OCA2: variants seen among roughly 807,000 people sequenced by gnomAD.
OCA2 encodes P protein.
A neutral mutation model predicts 100.2 loss-of-function variants in OCA2; 77 were observed. The observed-to-expected ratio is 0.77, with a 90% CI of 0.64 to 0.93. OCA2 has a LOEUF of 0.93. OCA2 is among the 40% of genes least tolerant of loss of function. The pLI is 0.00. For synonymous variants in OCA2, 432 were observed against 439.2 expected (o/e 0.98, Z 0.21); for missense variants, 1,062 against 1,089.1 (o/e 0.98, Z 0.35).
At chr15:27,896,053 G>T in intron 19 of OCA2, 2 of 1,186,612 alleles carry the variant, frequency 1.7e-6, no homozygotes, top group South Asian at 1.2e-5. Flanking sequence ...ATCTATGAAG[G>T]CCAAGTGGAG....
intron 19 of OCA2, among the ~76,000 whole-genome samples, chr15:27,908,129 TAGAA>T (rs568730586): frequency 3.3e-4 from 50 of 151,916 alleles, no homozygotes; most frequent in Non-Finnish European, 4.7e-4. Flanking sequence ...CAATGCCAAA[TAGAA>T]AATGAAATAT....
At chr15:27,828,133 G>T (rs1050411620) in intron 23 of OCA2, among the ~76,000 whole-genome samples, 7 of 152,224 alleles carry the variant, frequency 4.6e-5, no homozygotes, top group Admixed American at 3.9e-4. Flanking sequence ...TGGCGCCAGG[G>T]CCCTGTCTGC....
chr15:27,838,412 C>G (rs548588251), intron 23 of OCA2, among the ~76,000 whole-genome samples: 2 of 152,152 alleles, frequency 1.3e-5, no homozygotes, highest in Admixed American at 6.5e-5. Context: ...TAAAAACAAG[C>G]CAGAAAGAAA....
chr15:27,894,428 G>A (rs2037599179), intron 19 of OCA2, among the ~76,000 whole-genome samples: 1 of 152,154 alleles, frequency 6.6e-6, no homozygotes, highest in Non-Finnish European at 1.5e-5. Flanking sequence ...ATTCTCTCTG[G>A]ACGAGTGGAA....
At chr15:27,751,990 T>A (rs185105843), downstream of OCA2, among the ~76,000 whole-genome samples, 645 of 152,348 alleles carry the variant, frequency 4.2e-3, 10 homozygotes, top group South Asian at 0.034. Flanking sequence ...TGAAGTATGT[T>A]GCATTTACAA....
chr15:27,797,152 G>A (rs1339990706), intron 23 of OCA2, among the ~76,000 whole-genome samples: 4 of 152,334 alleles, frequency 2.6e-5, no homozygotes, highest in African/African-American at 9.6e-5. Context: ...AGCTGCTGGT[G>A]AGCGGAAAGG....
intron 18 of OCA2, among the ~76,000 whole-genome samples, chr15:27,944,682 T>C (rs1217056672): frequency 6.6e-6 from 1 of 152,142 alleles, no homozygotes; most frequent in Non-Finnish European, 1.5e-5. Context: ...CACACCCCTA[T>C]GATTTACACC....
chr15:28,021,234 GC>G (rs1419134004), intron 6 of OCA2, among the ~76,000 whole-genome samples: 1 of 152,198 alleles, frequency 6.6e-6, no homozygotes, highest in Non-Finnish European at 1.5e-5. Flanking sequence ...GGCTTCAGGG[GC>G]CTTCATGCAC....
chr15:27,955,218 A>G lies in OCA2; in HGVS notation c.1785-3T>C. On this transcript the variant is annotated splice_polypyrimidine_tract_variant and splice_region_variant and intron_variant, in intron 16 of 23. Transcript: ENST00000354638. ...TTTTGTCCTCCTGTGAGATCTGTCT[A>G]AAAGAGAAAAGAAGAGACTCATTAC... The G allele has an allele frequency of 6.2e-7, 1 of 1,606,142 alleles. No individual in the cohort carries two copies. Among genetic ancestry groups the G allele is most frequent in the Non-Finnish European group, 8.5e-7 (1 of 1,172,702 alleles).
chr15:27,852,208 C>A (rs2151416806), intron 21 of OCA2, among the ~76,000 whole-genome samples: 1 of 152,310 alleles, frequency 6.6e-6, no homozygotes, highest in South Asian at 2.1e-4. Context: ...GTGTTCAAGT[C>A]TTTAATCCAT....
At chr15:27,897,426 C>G (rs548641340) in intron 19 of OCA2, among the ~76,000 whole-genome samples, 1 of 152,252 alleles carries the variant, frequency 6.6e-6, no homozygotes, top group South Asian at 2.1e-4. Flanking sequence ...CCAACCAGTC[C>G]AGCCATGGCT....
intron 2 of OCA2, among the ~76,000 whole-genome samples, chr15:28,070,059 A>G (rs1253382970): frequency 9.7e-6 from 1 of 103,562 alleles, no homozygotes; most frequent in Middle Eastern, 5.6e-3. Flanking sequence ...CCGCCGCCCC[A>G]TCTGGGATGT....
intron 18 of OCA2, among the ~76,000 whole-genome samples, chr15:27,935,624 A>G (rs948570212): frequency 5.3e-5 from 8 of 152,244 alleles, no homozygotes; most frequent in African/African-American, 1.9e-4. Flanking sequence ...CCAGGATTCA[A>G]TCCCCAGTCT....
At chr15:27,920,100 AC>A (rs1198259015) in intron 19 of OCA2, among the ~76,000 whole-genome samples, 3 of 152,150 alleles carry the variant, frequency 2.0e-5, no homozygotes, top group African/African-American at 7.2e-5. Flanking sequence ...TATAAATACT[AC>A]CTTCTTAGCA....
At chr15:28,057,287 A>G (rs2043731704) in intron 2 of OCA2, among the ~76,000 whole-genome samples, 1 of 152,194 alleles carries the variant, frequency 6.6e-6, no homozygotes, top group Non-Finnish European at 1.5e-5. Flanking sequence ...GATCCACAAG[A>G]ACACCTGGCA....
At chr15:28,060,103 T>C (rs1274243411) in intron 2 of OCA2, among the ~76,000 whole-genome samples, 4 of 152,230 alleles carry the variant, frequency 2.6e-5, no homozygotes, top group Non-Finnish European at 5.9e-5. Flanking sequence ...CCAGCACCTC[T>C]GCTGCAGTCT....
At chr15:27,732,872 G>C in the OCA2 span, among the ~76,000 whole-genome samples, 1 of 152,192 alleles carries the variant, frequency 6.6e-6, no homozygotes, top group East Asian at 1.9e-4. Flanking sequence ...TATTGCTTTG[G>C]TTTTGCCCAA....
chr15:28,045,081 C>G (rs559832861), intron 2 of OCA2, among the ~76,000 whole-genome samples: 31 of 152,196 alleles, frequency 2.0e-4, no homozygotes, highest in South Asian at 4.2e-4. Flanking sequence ...CATCTTGATA[C>G]TTGTTTTCTA....
the OCA2 span, among the ~76,000 whole-genome samples, chr15:27,723,358 AAC>A: frequency 6.6e-6 from 1 of 152,300 alleles, no homozygotes; most frequent in East Asian, 1.9e-4. Flanking sequence ...TGCACGCACA[AAC>A]ACACGTGCTA....
Sources: allele counts gnomAD v4.1 joint callset (sites outside exome capture counted in the v4.1 genomes callset), GRCh38; gene constraint gnomAD v4.1.1; transcripts MANE v1.5; gene names NCBI Gene and HGNC (gene_info 2026-07-23, HGNC 2026-07-21).